FRA10AC1: variants seen among roughly 807,000 people sequenced by gnomAD.
FRA10AC1 encodes the protein protein FRA10AC1.
FRA10AC1 carries 43 observed loss-of-function variants against 56.5 expected under a neutral mutation model. The ratio of observed to expected loss-of-function variants is 0.76; its 90% CI spans 0.60 to 0.98. The LOEUF (loss-of-function observed/expected upper bound fraction) is 0.98, where lower values mean the gene tolerates loss of function less well. Ranked by LOEUF, FRA10AC1 falls within the 50% of genes least tolerant of loss-of-function variation. The pLI is 0.00. For synonymous variants in FRA10AC1, 112 were observed against 110.5 expected, an observed-to-expected ratio of 1.01 and a Z score of -0.09; for missense variants, 346 against 351.8, an observed-to-expected ratio of 0.98 and a Z score of 0.13.
chr10:93,678,811 C>T (rs773100038), intron 11 of FRA10AC1, among the ~76,000 whole-genome samples: 19 of 151,052 alleles, frequency 1.3e-4, no homozygotes, highest in Non-Finnish European at 2.4e-4. Context: ...TATTCCAGCA[C>T]TCCAGCCTGG....
chr10:93,670,640 T>C (rs773741016), intron 13 of FRA10AC1, 130 bp downstream of exon 13: 47 of 542,536 alleles, frequency 8.7e-5, no homozygotes, highest in Non-Finnish European at 1.4e-4. Context: ...GCTCTAATCT[T>C]ACCAGGCTAG....
At chr10:93,670,298 G>A (rs1181240763) in intron 13 of FRA10AC1, among the ~76,000 whole-genome samples, 1 of 152,086 alleles carries the variant, frequency 6.6e-6, no homozygotes, top group Non-Finnish European at 1.5e-5. Context: ...AAGGGGAATT[G>A]GGTAAATCTC....
intron 7 of FRA10AC1, among the ~76,000 whole-genome samples, chr10:93,688,240 G>A (rs918123447): frequency 1.3e-5 from 2 of 152,042 alleles, no homozygotes; most frequent in African/African-American, 4.8e-5. Context: ...ATTACAAAGT[G>A]AAAAAACCCA....
intron 10 of FRA10AC1, among the ~76,000 whole-genome samples, chr10:93,683,691 C>G: frequency 6.6e-6 from 1 of 152,222 alleles, no homozygotes; most frequent in Non-Finnish European, 1.5e-5. Flanking sequence ...GTGTCTAATC[C>G]TTTGTAAGAA....
In FRA10AC1 at chr10:93,670,784, T is replaced by A; in HGVS notation, c.891A>T (p.Thr297=). Reference sequence around the variant, plus strand: ...TCAGCACTTACTGTGATTTTTCATCTGTCTCTGGTAGTGGACCCTTCCAAA... The same window carrying A: ...TCAGCACTTACTGTGATTTTTCATCAGTCTCTGGTAGTGGACCCTTCCAAA... ...SELWKGPLPE[T]DEKSQEEEFD... The change falls in exon 13 of 14, where the codon ACA becomes ACT. Residue 297 remains threonine (T), a synonymous_variant. Coordinates refer to ENST00000359204, the MANE Select transcript of FRA10AC1 (RefSeq NM_145246.5). 5 of 1,606,898 alleles carry A rather than the reference T, an allele frequency of 3.1e-6. No homozygotes were observed. The highest frequency in any genetic ancestry group is 4.3e-6 in the Non-Finnish European group (5 of 1,173,822).
chr10:93,678,920 A>G (rs756906589), intron 11 of FRA10AC1, among the ~76,000 whole-genome samples: 2 of 152,076 alleles, frequency 1.3e-5, no homozygotes, highest in Non-Finnish European at 2.9e-5. Context: ...GAAGTTGTCA[A>G]CAGTCCAAAC....
At chr10:93,680,177 T>G (rs1236779054) in intron 11 of FRA10AC1, among the ~76,000 whole-genome samples, 1 of 152,214 alleles carries the variant, frequency 6.6e-6, no homozygotes, top group African/African-American at 2.4e-5. Context: ...TAACATGGTA[T>G]CACAGTTGTG....
At chr10:93,691,140 T>A (rs563399007) in intron 7 of FRA10AC1, among the ~76,000 whole-genome samples, 3 of 152,282 alleles carry the variant, frequency 2.0e-5, no homozygotes, top group African/African-American at 7.2e-5. Flanking sequence ...TGCTCCTGGG[T>A]CACCTTTTCC....
intron 7 of FRA10AC1, among the ~76,000 whole-genome samples, chr10:93,690,515 T>G (rs1339041094): frequency 6.6e-6 from 1 of 152,056 alleles, no homozygotes. Context: ...GTAGTCACCA[T>G]GTATTAACCC....
At chr10:93,681,720 T>C (rs1357223953) in intron 10 of FRA10AC1, 122 bp from the exon 11 acceptor site, 1 of 876,578 alleles carries the variant, frequency 1.1e-6, no homozygotes, top group Non-Finnish European at 1.6e-6. Flanking sequence ...GTGATTTATA[T>C]AATAAGGAAC....
At chr10:93,681,164 A>T (rs958646598) in intron 11 of FRA10AC1, among the ~76,000 whole-genome samples, 1 of 152,200 alleles carries the variant, frequency 6.6e-6, no homozygotes, top group South Asian at 2.1e-4. Context: ...CCCTATACAC[A>T]TAAGAAAAAT....
At chr10:93,688,485 C>A (rs1490993486) in intron 7 of FRA10AC1, among the ~76,000 whole-genome samples, 1 of 152,056 alleles carries the variant, frequency 6.6e-6, no homozygotes, top group Non-Finnish European at 1.5e-5. Flanking sequence ...CAAGAGTGAA[C>A]CCTAATGTAA....
intron 11 of FRA10AC1, among the ~76,000 whole-genome samples, chr10:93,680,144 T>C (rs1423719832): frequency 2.6e-5 from 4 of 152,194 alleles, no homozygotes; most frequent in East Asian, 1.9e-4. Context: ...AGACTAGTTC[T>C]TTCATTTGGA....
rs377025300 is a variant in FRA10AC1, at chr10:93,676,735, T to C, written c.788-44A>G. On this transcript the variant is annotated intron_variant, in intron 11 of 13. Coordinates refer to ENST00000359204, the MANE Select transcript of FRA10AC1 (RefSeq NM_145246.5). ...TGATTTATTAACTATCATCTTGTAA[T>C]AGTGCAATCATTGTAGCTATAACCA... 735 of 1,525,924 alleles carry C rather than the reference T, an allele frequency of 4.8e-4. 1 individual carries two copies. Among genetic ancestry groups the C allele is most frequent in the Non-Finnish European group, 4.7e-4 (536 of 1,139,648 alleles). The allele number at this position is 1,525,924 out of a possible 1,614,324, so 94.5% of individuals were successfully genotyped here. A position where few individuals can be genotyped will look rare whatever the true frequency, so the allele number is the denominator to read the frequency against.
intron 8 of FRA10AC1, 31 bp downstream of exon 8, chr10:93,687,373 C>T (rs2059048048): frequency 1.4e-6 from 2 of 1,419,628 alleles, no homozygotes; most frequent in African/African-American, 1.5e-5. Context: ...TAAGTTTATC[C>T]TATTAAAAAG....
intron 7 of FRA10AC1, 191 bp from the exon 8 acceptor site, chr10:93,687,640 A>G: frequency 2.1e-6 from 1 of 485,146 alleles, no homozygotes; most frequent in South Asian, 3.4e-5. Context: ...AGAACAATCT[A>G]CTTTAAGATA....
chr10:93,668,777 T>G lies in FRA10AC1; in HGVS notation c.*1049A>C, dbSNP rs535347787. On this transcript the variant is annotated 3_prime_UTR_variant, in exon 14 of 14. Transcript: ENST00000359204. ...GAACAATATGGGGGAAACCGCCCCCTTGATTCAAATTATCTCTCACTGGAT... is the reference window on the plus strand; with the variant it reads ...GAACAATATGGGGGAAACCGCCCCCGTGATTCAAATTATCTCTCACTGGAT... 4.2e-4 allele frequency: 64 copies of G among 152,308 alleles called. No homozygotes were observed. The highest frequency in any genetic ancestry group is 1.5e-3 in the African/African-American group (64 of 41,560). 9.4% of individuals were successfully genotyped at this position (152,308 alleles called of 1,614,324 possible). A position where few individuals can be genotyped will look rare whatever the true frequency, so the allele number is the denominator to read the frequency against.
At chr10:93,693,658 C>CAT (rs1166942322) in intron 5 of FRA10AC1, among the ~76,000 whole-genome samples, 1,496 of 114,092 alleles carry the variant, frequency 0.013, 53 homozygotes, top group African/African-American at 0.042. Flanking sequence ...ATATATATAC[C>CAT]ATATATATAT....
At chr10:93,693,501 TATATATAC>T (rs1433046598) in intron 5 of FRA10AC1, among the ~76,000 whole-genome samples, 616 of 39,806 alleles carry the variant, frequency 0.015, 43 homozygotes, top group South Asian at 0.096. Context: ...TATATATATA[TATATATAC>T]ACCATATATA....
Sources: allele counts gnomAD v4.1 joint callset (sites outside exome capture counted in the v4.1 genomes callset), GRCh38; gene constraint gnomAD v4.1.1; transcripts MANE v1.5; gene names NCBI Gene and HGNC (gene_info 2026-07-23, HGNC 2026-07-21).